Variants in IL1RAPL1 observed in about 807,000 individuals in gnomAD.
IL1RAPL1 encodes interleukin 1 receptor accessory protein like 1, also known as interleukin-1 receptor accessory protein-like 1.
IL1RAPL1 carries 3 observed loss-of-function variants against 48.4 expected under a neutral mutation model. The observed-to-expected ratio is 0.06, with a 90% CI of 0.03 to 0.16. The LOEUF (loss-of-function observed/expected upper bound fraction) is 0.16. Among genes scored for constraint, IL1RAPL1 ranks in the 10% least tolerant of loss-of-function variants. The probability of loss-of-function intolerance (pLI) is 1.00; values close to 1 mark genes in which losing one functional copy is unlikely to be tolerated. For synonymous variants in IL1RAPL1, 185 were observed against 187.7 expected (o/e 0.99, Z 0.12); for missense variants, 349 against 530.6 (o/e 0.66, Z 3.36).
chrX:29,686,228 G>A (rs1351152578), intron 6 of IL1RAPL1, among the ~76,000 whole-genome samples: 1 of 111,280 alleles, frequency 9.0e-6, no homozygotes, highest in African/African-American at 3.3e-5. Flanking sequence ...ATGCAGGATA[G>A]CATTTTGTAT....
intron 5 of IL1RAPL1, among the ~76,000 whole-genome samples, chrX:29,406,164 C>T (rs1023563588): frequency 2.7e-5 from 3 of 111,162 alleles, no homozygotes; most frequent in South Asian, 3.8e-4. Context: ...CCGAGGTGGG[C>T]GGATCACAAG....
intron 2 of IL1RAPL1, among the ~76,000 whole-genome samples, chrX:28,971,912 G>GTGTGTA (rs1555948259): frequency 9.0e-4 from 98 of 108,826 alleles, no homozygotes; most frequent in African/African-American, 3.0e-3. Context: ...GTGTGTGTGT[G>GTGTGTA]TGTGTATTTC....
At chrX:28,598,753 C>T (rs1413776238) in intron 1 of IL1RAPL1, among the ~76,000 whole-genome samples, 10 of 108,105 alleles carry the variant, frequency 9.3e-5, no homozygotes, top group East Asian at 3.0e-4. Context: ...CTCAGCCTCC[C>T]GAGTAGCTGG....
At chrX:29,087,326 C>T (rs772900192) in intron 2 of IL1RAPL1, among the ~76,000 whole-genome samples, 329 of 108,938 alleles carry the variant, frequency 3.0e-3, no homozygotes, top group Non-Finnish European at 5.6e-3. Flanking sequence ...TTAGTAGAGA[C>T]GGGGTTTCAC....
chrX:29,800,939 G>C (rs1929864528), intron 6 of IL1RAPL1, among the ~76,000 whole-genome samples: 1 of 95,234 alleles, frequency 1.1e-5, no homozygotes, highest in African/African-American at 3.8e-5. Flanking sequence ...GGCGGAGGTT[G>C]TGGTGAGCCA....
chrX:28,791,588 C>G (rs769342813), intron 2 of IL1RAPL1, among the ~76,000 whole-genome samples: 1 of 112,052 alleles, frequency 8.9e-6, no homozygotes, highest in East Asian at 2.8e-4. Flanking sequence ...ATAATACCTT[C>G]TAAACCAAAT....
intron 1 of IL1RAPL1, among the ~76,000 whole-genome samples, chrX:28,759,383 T>TA (rs758620716): frequency 1.4e-4 from 16 of 111,229 alleles, no homozygotes; most frequent in Admixed American, 2.9e-4. Flanking sequence ...TGTCTTCCAT[T>TA]AAAAATGGAA....
intron 6 of IL1RAPL1, among the ~76,000 whole-genome samples, chrX:29,678,596 C>T: frequency 9.3e-6 from 1 of 108,097 alleles, no homozygotes; most frequent in Non-Finnish European, 1.9e-5. Flanking sequence ...TCTCGATCTC[C>T]TGACCTCGTG....
Position 28,796,654 on chromosome X carries a change from C to T in IL1RAPL1, c.82+7229C>T, listed in dbSNP as rs142656369. On this transcript the variant is annotated intron_variant, in intron 2 of 10. Coordinates refer to ENST00000378993, the MANE Select transcript of IL1RAPL1 (RefSeq NM_014271.4). ...TCCCATGGTCTTGACAGCTCTACCC[C>T]CGTGGCTTTGCAGGGTACAGCCTCC... 3.6e-5 allele frequency among the ~76,000 whole-genome samples: 4 copies of T among 111,578 alleles called. No homozygotes were observed. In the East Asian group the frequency reaches 1.1e-3, roughly 32 times the overall value.
intron 1 of IL1RAPL1, among the ~76,000 whole-genome samples, chrX:28,779,084 T>C (rs1196649515): frequency 8.9e-6 from 1 of 111,852 alleles, no homozygotes; most frequent in Non-Finnish European, 1.9e-5. Flanking sequence ...ACAAGGACTT[T>C]TACTCCTGAG....
intron 5 of IL1RAPL1, among the ~76,000 whole-genome samples, chrX:29,570,983 A>G (rs1275958601): frequency 1.8e-5 from 2 of 112,343 alleles, no homozygotes; most frequent in East Asian, 5.6e-4. Flanking sequence ...GCACTCTGGG[A>G]GGCCGAGGCG....
intron 2 of IL1RAPL1, among the ~76,000 whole-genome samples, chrX:28,913,432 C>G (rs1460850350): frequency 1.8e-5 from 2 of 111,875 alleles, no homozygotes; most frequent in African/African-American, 3.2e-5. Context: ...AAAGGTATTT[C>G]AGTTTCAATG....
intron 2 of IL1RAPL1, among the ~76,000 whole-genome samples, chrX:29,272,884 A>C (rs1003594060): frequency 9.0e-6 from 1 of 111,385 alleles, no homozygotes; most frequent in African/African-American, 3.3e-5. Context: ...AATTCAGATA[A>C]CCAGTCTTCA....
chrX:29,699,411 TAC>T (rs750154019), intron 6 of IL1RAPL1, among the ~76,000 whole-genome samples: 4 of 112,763 alleles, frequency 3.5e-5, no homozygotes, highest in Admixed American at 2.8e-4. Context: ...TGGATTCTAT[TAC>T]ACAGTTATTT....
chrX:28,595,975 A>G (rs767634943), intron 1 of IL1RAPL1, among the ~76,000 whole-genome samples: 1 of 111,037 alleles, frequency 9.0e-6, no homozygotes, highest in African/African-American at 3.3e-5. Flanking sequence ...GCCCTTAATA[A>G]CACAGCCACA....
chrX:29,048,651 C>A (rs1927027841), intron 2 of IL1RAPL1, among the ~76,000 whole-genome samples: 1 of 112,103 alleles, frequency 8.9e-6, no homozygotes, highest in African/African-American at 3.2e-5. Context: ...GACACCAATC[C>A]TGTGTGTAAG....
chrX:29,774,523 T>C (rs924595773), intron 6 of IL1RAPL1, among the ~76,000 whole-genome samples: 11 of 112,348 alleles, frequency 9.8e-5, no homozygotes, highest in African/African-American at 3.6e-4. Flanking sequence ...AACGTATCAA[T>C]TGCCCTACTT....
chrX:29,376,077 G>GTTA (rs1448177476), intron 3 of IL1RAPL1, among the ~76,000 whole-genome samples: 1 of 111,382 alleles, frequency 9.0e-6, no homozygotes, highest in East Asian at 2.8e-4. Context: ...TCTAGTTTTA[G>GTTA]TTATTTATTT....
chrX:29,449,780 C>CACACACAGAG (rs557765024), intron 5 of IL1RAPL1, among the ~76,000 whole-genome samples: 50 of 58,243 alleles, frequency 8.6e-4, no homozygotes, highest in African/African-American at 3.4e-3. Context: ...CACACACACA[C>CACACACAGAG]AGAGAGAGAG....
Sources: allele counts gnomAD v4.1 joint callset (sites outside exome capture counted in the v4.1 genomes callset), GRCh38; gene constraint gnomAD v4.1.1; transcripts MANE v1.5; gene names NCBI Gene and HGNC (gene_info 2026-07-23, HGNC 2026-07-21).